The following DOCK2 variants were observed in gnomAD, a reference collection of about 807,000 sequenced individuals.
DOCK2 encodes dedicator of cytokinesis protein 2.
DOCK2 carries 87 observed loss-of-function variants against 248.9 expected under a neutral mutation model. The ratio of observed to expected loss-of-function variants is 0.35; its 90% CI spans 0.29 to 0.42. The LOEUF (loss-of-function observed/expected upper bound fraction) is 0.42, where lower values mean the gene tolerates loss of function less well. DOCK2 is among the 10% of genes least tolerant of loss of function. The probability of loss-of-function intolerance (pLI) is 1.00; values close to 1 mark genes in which losing one functional copy is unlikely to be tolerated. For synonymous variants in DOCK2, 805 were observed against 821.6 expected (o/e 0.98, Z 0.35); for missense variants, 1,747 against 2,300.2 (o/e 0.76, Z 4.92).
chr5:169,801,470 T>C lies in DOCK2; in HGVS notation c.2555-1588T>C, dbSNP rs1276490216. 1.6e-4 allele frequency among the ~76,000 whole-genome samples: 24 copies of C among 152,154 alleles called. 1 individual carries two copies. ...TCACTAGGAGAATTTACTGAGATGATTCATGCACGACACTTGCAACAGTGC... is the reference window on the plus strand; with the variant it reads ...TCACTAGGAGAATTTACTGAGATGACTCATGCACGACACTTGCAACAGTGC... On this transcript the variant is annotated intron_variant, in intron 25 of 51. Transcript: ENST00000520908.
chr5:169,841,611 T>C (rs1769979183), intron 27 of DOCK2: 1 of 238,398 alleles, frequency 4.2e-6, no homozygotes, highest in African/African-American at 2.3e-5. Flanking sequence ...CTTATTTATT[T>C]ATGTGTTCCT....
chr5:169,810,981 T>A lies in DOCK2; in HGVS notation c.2703+7775T>A, dbSNP rs1348007147. 2.9e-3 allele frequency among the ~76,000 whole-genome samples: 413 copies of A among 142,116 alleles called. 1 individual carries two copies. Among genetic ancestry groups the A allele is most frequent in the Non-Finnish European group, 4.7e-3 (312 of 66,774 alleles). The allele number at this position is 142,116 out of a possible 152,430, so 93.2% of individuals were successfully genotyped here. On this transcript the variant is annotated intron_variant, in intron 26 of 51. Coordinates refer to ENST00000520908, the MANE Select transcript of DOCK2 (RefSeq NM_004946.3). Reference sequence around the variant, plus strand: ...CACACACACACACAGACTCTCTCTCTCTCTCTCTCACACACACACACACAC... The same window carrying A: ...CACACACACACACAGACTCTCTCTCACTCTCTCTCACACACACACACACAC...
At position 169,702,425 on chromosome 5, in the gene DOCK2, C is replaced by T. The variant is rs1761026612; in HGVS notation, c.1381C>T (p.Pro461Ser). Reference sequence around the variant, plus strand: ...GTGCGCGGAGGATGGCAAAACGCTGCCTGTAAGGGACTCACTGCTGCTCTG... The same window carrying T: ...GTGCGCGGAGGATGGCAAAACGCTGTCTGTAAGGGACTCACTGCTGCTCTG... Reference protein sequence around the residue: ...CVCAEDGKTLPNAICVGAGDK... With the variant: ...CVCAEDGKTLSNAICVGAGDK... Residue 461 changes from proline to serine, a missense_variant and splice_region_variant, in exon 14 of 52, where the codon CCT becomes TCT. Coordinates refer to ENST00000520908, the MANE Select transcript of DOCK2 (RefSeq NM_004946.3). 1.2e-6 allele frequency: 2 copies of T among 1,613,468 alleles called. No homozygotes were observed. Among genetic ancestry groups the T allele is most frequent in the South Asian group, 1.1e-5 (1 of 91,058 alleles).
intron 29 of DOCK2, among the ~76,000 whole-genome samples, chr5:169,989,210 TCTC>T (rs1438981848): frequency 1.3e-5 from 2 of 152,222 alleles, no homozygotes; most frequent in African/African-American, 4.8e-5. Context: ...TAGTGACACA[TCTC>T]CTGCAAGAAA....
chr5:169,716,344 A>C, intron 20 of DOCK2, 42 bp downstream of exon 20: 1 of 1,590,598 alleles, frequency 6.3e-7, no homozygotes, highest in Non-Finnish European at 8.6e-7. Context: ...ACAGGCATTA[A>C]TGTATGTCTT....
chr5:169,985,389 G>A (rs867152604), intron 28 of DOCK2, among the ~76,000 whole-genome samples: 1 of 136,656 alleles, frequency 7.3e-6, no homozygotes, highest in African/African-American at 2.7e-5. Context: ...GTGTGTGTGT[G>A]TGTGTATGTG....
At chr5:170,052,664 G>C (rs1358612536) in intron 41 of DOCK2, among the ~76,000 whole-genome samples, 1 of 152,200 alleles carries the variant, frequency 6.6e-6, no homozygotes, top group Non-Finnish European at 1.5e-5. Context: ...CCCATGATCT[G>C]TCTGTTTCAA....
intron 27 of DOCK2, chr5:169,882,640 T>G: frequency 6.4e-7 from 1 of 1,552,036 alleles, no homozygotes; most frequent in Non-Finnish European, 8.7e-7. Flanking sequence ...CAGAGATTCC[T>G]CCACAGATTG....
At chr5:169,997,849 T>A (rs185744098) in intron 30 of DOCK2, 1 of 447,088 alleles carries the variant, frequency 2.2e-6, no homozygotes. Flanking sequence ...CTCATCTAAG[T>A]TGTTCAGTTC....
intron 26 of DOCK2, among the ~76,000 whole-genome samples, chr5:169,807,858 A>C (rs960047764): frequency 1.3e-5 from 2 of 150,256 alleles, no homozygotes; most frequent in African/African-American, 4.9e-5. Context: ...AAAAAAAAAA[A>C]ATCTAGCATC....
chr5:170,047,635 G>T, intron 40 of DOCK2, 21 bp downstream of exon 40: 1 of 1,609,072 alleles, frequency 6.2e-7, no homozygotes, highest in South Asian at 1.1e-5. Flanking sequence ...GGGTGACTTG[G>T]ACACCAGGCG....
rs928699224 is a variant in DOCK2, at chr5:169,763,552, G to T, written c.2554+1927G>T. On this transcript the variant is annotated intron_variant, in intron 25 of 51. Coordinates refer to ENST00000520908, the MANE Select transcript of DOCK2 (RefSeq NM_004946.3). The surrounding 1 kb of genome is among the most constrained non-coding windows in gnomAD (Gnocchi z 4.1). ...GTCAATTCCAGCCTCTTGGAAGTCG[G>T]AGTAATTCCTTGACTGCAGCCACAT... 5.3e-5 allele frequency among the ~76,000 whole-genome samples: 8 copies of T among 152,188 alleles called. No homozygotes were observed. The highest frequency in any genetic ancestry group is 1.9e-4 in the African/African-American group (8 of 41,436).
At chr5:169,864,319 C>G (rs750813912) in intron 27 of DOCK2, 1 of 1,551,632 alleles carries the variant, frequency 6.4e-7, no homozygotes. Flanking sequence ...GGTTTTCCGC[C>G]TTAAGTCCTG....
intron 27 of DOCK2, among the ~76,000 whole-genome samples, chr5:169,882,014 T>C (rs1214859725): frequency 6.6e-6 from 1 of 152,202 alleles, no homozygotes; most frequent in African/African-American, 2.4e-5. Flanking sequence ...CGAAAATGAA[T>C]TGTGCAAAAT....
chr5:169,778,369 T>A (rs1239347495), intron 25 of DOCK2, among the ~76,000 whole-genome samples: 1 of 152,190 alleles, frequency 6.6e-6, no homozygotes, highest in Non-Finnish European at 1.5e-5. Context: ...AGTAGTAATA[T>A]TTTTGTTCTT....
At chr5:169,756,925 CAAA>C (rs60397780) in intron 23 of DOCK2, among the ~76,000 whole-genome samples, 1 of 127,846 alleles carries the variant, frequency 7.8e-6, no homozygotes, top group Non-Finnish European at 1.7e-5. Context: ...AACTCTGTCT[CAAA>C]AAAAAAAAAA....
intron 22 of DOCK2, among the ~76,000 whole-genome samples, chr5:169,728,819 A>T (rs561208503): frequency 2.7e-5 from 3 of 110,742 alleles, no homozygotes; most frequent in Non-Finnish European, 5.1e-5. Flanking sequence ...AAAATTTCAT[A>T]CTTCACTCAT....
At chr5:169,759,145 C>G (rs751546619) in intron 23 of DOCK2, among the ~76,000 whole-genome samples, 1 of 152,166 alleles carries the variant, frequency 6.6e-6, no homozygotes, top group African/African-American at 2.4e-5. Flanking sequence ...CCCAACCCAG[C>G]TAGTGGACCA....
chr5:169,805,216 CAAAA>C (rs1178136278), intron 26 of DOCK2, among the ~76,000 whole-genome samples: 3 of 70,672 alleles, frequency 4.2e-5, no homozygotes, highest in Admixed American at 1.4e-4. Flanking sequence ...TCTGTCTCTA[CAAAA>C]AAAAAAAAAA....
Sources: allele counts gnomAD v4.1 joint callset (sites outside exome capture counted in the v4.1 genomes callset), GRCh38; gene constraint gnomAD v4.1.1; non-coding constraint Gnocchi (gnomAD v3.1); transcripts MANE v1.5; gene names NCBI Gene and HGNC (gene_info 2026-07-23, HGNC 2026-07-21).